PLPP1: variants seen among roughly 807,000 people sequenced by gnomAD.
The protein encoded by PLPP1 is phospholipid phosphatase 1, also known as lipid phosphate phosphohydrolase 1a.
In PLPP1, 24 loss-of-function variants were observed where a neutral mutation model predicts 31.2. That is an observed-to-expected ratio of 0.77 (90% CI 0.56 to 1.08). The LOEUF (loss-of-function observed/expected upper bound fraction) is 1.08. PLPP1 is among the 50% of genes least tolerant of loss of function. The pLI is 0.00. For synonymous variants in PLPP1, 146 were observed against 126.3 expected (o/e 1.16, Z -1.05); for missense variants, 319 against 342.7 (o/e 0.93, Z 0.55).
intron 2 of PLPP1, among the ~76,000 whole-genome samples, chr5:55,472,122 A>G (rs1414115635): frequency 6.6e-6 from 1 of 152,178 alleles, no homozygotes; most frequent in Non-Finnish European, 1.5e-5. Context: ...GACTCTGTCA[A>G]TCAATTAATC....
At chr5:55,454,984 A>C (rs1751973550) in intron 3 of PLPP1, among the ~76,000 whole-genome samples, 1 of 152,232 alleles carries the variant, frequency 6.6e-6, no homozygotes, top group Non-Finnish European at 1.5e-5. Flanking sequence ...CTATGATAGA[A>C]GGCATTTCCT....
intron 3 of PLPP1, among the ~76,000 whole-genome samples, chr5:55,459,484 A>G (rs868528705): frequency 6.6e-6 from 1 of 152,214 alleles, no homozygotes; most frequent in African/African-American, 2.4e-5. Flanking sequence ...CAGAAAACAC[A>G]TGCTCTTCAA....
intron 3 of PLPP1, among the ~76,000 whole-genome samples, chr5:55,456,127 CAT>C (rs1190665740): frequency 1.3e-5 from 2 of 152,094 alleles, no homozygotes; most frequent in Admixed American, 6.5e-5. Context: ...AGTAAATTCT[CAT>C]ATATTAATTC....
At chr5:55,472,555 G>A (rs1437405227) in intron 2 of PLPP1, among the ~76,000 whole-genome samples, 4 of 151,824 alleles carry the variant, frequency 2.6e-5, no homozygotes, top group Non-Finnish European at 4.4e-5. Flanking sequence ...AGCTGAGATC[G>A]CGCCAGTGCA....
At chr5:55,433,011 G>C (rs185549907) in intron 4 of PLPP1, among the ~76,000 whole-genome samples, 2 of 151,990 alleles carry the variant, frequency 1.3e-5, no homozygotes, top group Admixed American at 1.3e-4. Context: ...AATGAGGCAA[G>C]AGAAAGAAAT....
intron 2 of PLPP1, among the ~76,000 whole-genome samples, chr5:55,470,565 G>A (rs1013870505): frequency 1.3e-5 from 2 of 152,156 alleles, no homozygotes; most frequent in African/African-American, 2.4e-5. Context: ...GGGAATGCAG[G>A]GGAGTCTCTA....
intron 3 of PLPP1, among the ~76,000 whole-genome samples, chr5:55,464,441 G>A (rs55884452): frequency 0.67 from 101,628 of 151,778 alleles, 35,392 homozygotes; most frequent in Non-Finnish European, 0.78. Flanking sequence ...TCACTACGTT[G>A]GCCAGGCTGG....
chr5:55,478,831 G>A (rs554213889), intron 1 of PLPP1, among the ~76,000 whole-genome samples: 2 of 152,168 alleles, frequency 1.3e-5, no homozygotes, highest in South Asian at 4.1e-4. Flanking sequence ...GTTTTAATAA[G>A]AAGGGGTAAT....
chr5:55,428,512 CG>C, intron 4 of PLPP1, among the ~76,000 whole-genome samples: 1 of 152,278 alleles, frequency 6.6e-6, no homozygotes, highest in East Asian at 1.9e-4. Context: ...TTCCTATATG[CG>C]TAAGTTCAAC....
At chr5:55,521,465 C>T (rs1160257246) in intron 1 of PLPP1, among the ~76,000 whole-genome samples, 2 of 151,754 alleles carry the variant, frequency 1.3e-5, no homozygotes, top group Non-Finnish European at 2.9e-5. Context: ...CTGCAGTGAG[C>T]TGTGATCATG....
At chr5:55,521,725 T>C (rs1218648612) in intron 1 of PLPP1, among the ~76,000 whole-genome samples, 3 of 152,102 alleles carry the variant, frequency 2.0e-5, no homozygotes, top group Admixed American at 6.5e-5. Flanking sequence ...CTAGTAAAAA[T>C]CCATGGGTTA....
chr5:55,493,564 A>T (rs1334117052), intron 1 of PLPP1, among the ~76,000 whole-genome samples: 1 of 151,992 alleles, frequency 6.6e-6, no homozygotes, highest in Non-Finnish European at 1.5e-5. Flanking sequence ...GCAACACAGC[A>T]AGACCCTGTC....
At chr5:55,426,734 G>A (rs1330433972) in intron 4 of PLPP1, among the ~76,000 whole-genome samples, 2 of 152,084 alleles carry the variant, frequency 1.3e-5, no homozygotes, top group African/African-American at 4.8e-5. Context: ...TCTGAGTCTT[G>A]GGATAAAGTG....
chr5:55,451,862 C>A (rs556607502), intron 3 of PLPP1, among the ~76,000 whole-genome samples: 97 of 152,228 alleles, frequency 6.4e-4, no homozygotes, highest in African/African-American at 2.2e-3. Flanking sequence ...ACCCAATAGA[C>A]AAAGGCAGAA....
intron 4 of PLPP1, among the ~76,000 whole-genome samples, chr5:55,432,116 T>C (rs1202934498): frequency 5.9e-5 from 7 of 119,250 alleles, no homozygotes; most frequent in Non-Finnish European, 8.9e-5. Context: ...TTTTTTTTTT[T>C]TTTTTTTGGT....
Position 55,512,517 on chromosome 5 carries a change from AAAGAAAGAAAGAAAGAAAG to A in PLPP1, c.58+22036_58+22054del, listed in dbSNP as rs1421988644. Among the ~76,000 whole-genome samples, 17 of 5,268 alleles carry A rather than the reference AAAGAAAGAAAGAAAGAAAG, an allele frequency of 3.2e-3. 1 individual carries two copies. Among genetic ancestry groups the A allele is most frequent in the East Asian group, 0.019 (7 of 366 alleles). The allele number at this position is 5,268 out of a possible 152,430, so 3.5% of individuals were successfully genotyped here. ...GAAAGAAAAGAAAAGAAAAGAAAAGAAAGAAAGAAAGAAAGAAAGAAAGAAAGAAAGAAAGAAAGAAAGA... is the reference window on the plus strand; with the variant it reads ...GAAAGAAAAGAAAAGAAAAGAAAAGAAAAGAAAGAAAGAAAGAAAGAAAGA... On this transcript the variant is annotated intron_variant, in intron 1 of 5. Transcript: ENST00000307259.
intron 4 of PLPP1, among the ~76,000 whole-genome samples, chr5:55,427,083 TC>T (rs2111654407): frequency 3.4e-5 from 1 of 29,768 alleles, no homozygotes; most frequent in East Asian, 6.8e-4. Flanking sequence ...GAGTCTGCTC[TC>T]ATTAAAAAAA....
intron 1 of PLPP1, among the ~76,000 whole-genome samples, chr5:55,477,929 G>A (rs934156008): frequency 4.6e-5 from 7 of 151,138 alleles, no homozygotes; most frequent in Admixed American, 1.3e-4. Context: ...GCAGTGAGCC[G>A]AGATTGTGCC....
chr5:55,465,278 C>T (rs1346288737), intron 3 of PLPP1, among the ~76,000 whole-genome samples: 2 of 152,114 alleles, frequency 1.3e-5, no homozygotes, highest in Non-Finnish European at 2.9e-5. Flanking sequence ...CTCCTGACCT[C>T]GAGTGATCTG....
Sources: gnomAD v4.1 joint callset for allele counts (sites outside exome capture counted in the v4.1 genomes callset) on GRCh38, gnomAD v4.1.1 for gene constraint, MANE v1.5 for transcripts, NCBI Gene and HGNC (gene_info 2026-07-23, HGNC 2026-07-21) for gene names.